Variants in ADAMTSL1 observed in about 807,000 individuals in gnomAD.
ADAMTSL1 encodes ADAMTS like 1, also known as ADAMTS-like protein 1.
ADAMTSL1 carries 126 observed loss-of-function variants against 201.8 expected under a neutral mutation model. The ratio of observed to expected loss-of-function variants is 0.62; its 90% CI spans 0.54 to 0.72. ADAMTSL1 has a LOEUF of 0.72. Ranked by LOEUF, ADAMTSL1 falls within the 30% of genes least tolerant of loss-of-function variation. The pLI is 0.00. For missense variants in ADAMTSL1, 2,679 were observed against 2,277.8 expected (o/e 1.18, Z -3.59); for synonymous variants, 1,121 against 903.4 (o/e 1.24, Z -4.32).
intron 3 of ADAMTSL1, among the ~76,000 whole-genome samples, chr9:18,566,379 C>T (rs914880358): frequency 4.6e-5 from 7 of 152,120 alleles, no homozygotes; most frequent in African/African-American, 1.2e-4. Context: ...CTGTAGTAGA[C>T]GAAGACAGAC....
chr9:18,388,570 G>A (rs569372851), intron 2 of ADAMTSL1, among the ~76,000 whole-genome samples: 141 of 151,210 alleles, frequency 9.3e-4, no homozygotes, highest in Non-Finnish European at 1.4e-3. Context: ...CACCATGTTC[G>A]GCCTGGACTT....
chr9:18,622,543 G>C (rs534375241), intron 5 of ADAMTSL1, 174 bp downstream of exon 5: 2 of 939,778 alleles, frequency 2.1e-6, no homozygotes, highest in South Asian at 3.5e-5. Flanking sequence ...GGACAAGTCA[G>C]GTTACCAGCT....
chr9:18,758,478 G>C (rs1036962639), intron 16 of ADAMTSL1, among the ~76,000 whole-genome samples: 3 of 152,122 alleles, frequency 2.0e-5, no homozygotes, highest in Non-Finnish European at 4.4e-5. Flanking sequence ...TAAATTCAGG[G>C]GAACCGCAGG....
At chr9:18,847,011 A>T (rs963800705) in intron 23 of ADAMTSL1, among the ~76,000 whole-genome samples, 2 of 152,322 alleles carry the variant, frequency 1.3e-5, no homozygotes, top group East Asian at 1.9e-4. Flanking sequence ...ATGTGTAGTT[A>T]TAAGGAGGAG....
chr9:18,062,149 T>G (rs1246714364), intron 1 of ADAMTSL1, among the ~76,000 whole-genome samples: 2 of 152,236 alleles, frequency 1.3e-5, no homozygotes, highest in East Asian at 3.8e-4. Flanking sequence ...AGTGTTTTAT[T>G]TTTATTTTCT....
chr9:18,452,051 T>C (rs6475217), intron 2 of ADAMTSL1, among the ~76,000 whole-genome samples: 6,365 of 152,258 alleles, frequency 0.042, 412 homozygotes, highest in African/African-American at 0.14. Flanking sequence ...GTAGCTGGGA[T>C]TACAGGCAAG....
chr9:18,149,498 C>T (rs549557887), intron 1 of ADAMTSL1, among the ~76,000 whole-genome samples: 1 of 152,132 alleles, frequency 6.6e-6, no homozygotes, highest in East Asian at 1.9e-4. Flanking sequence ...GTACCACTTG[C>T]TACTGCAGTG....
At chr9:17,927,388 A>ATATG (rs1588428739) in intron 1 of ADAMTSL1, among the ~76,000 whole-genome samples, 2 of 152,106 alleles carry the variant, frequency 1.3e-5, no homozygotes, top group Admixed American at 6.6e-5. Context: ...ATGCACACAT[A>ATATG]TACGTACATA....
At chr9:18,378,837 T>G (rs537545848) in intron 2 of ADAMTSL1, among the ~76,000 whole-genome samples, 81 of 152,182 alleles carry the variant, frequency 5.3e-4, no homozygotes, top group African/African-American at 1.9e-3. Flanking sequence ...GTTTGTTTGT[T>G]TTTCATTACA....
chr9:18,489,407 T>C (rs1451126371), intron 1 of ADAMTSL1, among the ~76,000 whole-genome samples: 1 of 152,180 alleles, frequency 6.6e-6, no homozygotes, highest in Non-Finnish European at 1.5e-5. Flanking sequence ...AATGTGAAGA[T>C]GATCATCCGA....
rs757257913 is a variant in ADAMTSL1 at position 18,574,087 on chromosome 9, G to A, written c.295G>A (p.Val99Ile). 3.0e-5 allele frequency: 48 copies of A among 1,613,976 alleles called. No individual in the cohort carries two copies. The highest frequency in any genetic ancestry group is 1.7e-6 in the Non-Finnish European group (2 of 1,180,020). Residue 99 changes from valine (V) to isoleucine (I), a missense_variant, in exon 4 of 29, where the codon GTC becomes ATC. Transcript: ENST00000380548. ...TCAGCAATGCTCAGCTCATAATGAT[G>A]TCAAGCACCATGGCCAGTTTTATGA... Reference protein sequence around the residue: ...RAQQCSAHNDVKHHGQFYEWL... With the variant: ...RAQQCSAHNDIKHHGQFYEWL...
At chr9:17,988,702 T>G (rs956134207) in intron 1 of ADAMTSL1, among the ~76,000 whole-genome samples, 6 of 152,038 alleles carry the variant, frequency 3.9e-5, no homozygotes, top group African/African-American at 1.4e-4. Flanking sequence ...TCTGCTGATG[T>G]CAGCATGAAT....
intron 1 of ADAMTSL1, among the ~76,000 whole-genome samples, chr9:18,015,226 C>CT (rs1346389379): frequency 2.0e-5 from 3 of 152,000 alleles, no homozygotes; most frequent in Non-Finnish European, 4.4e-5. Context: ...CTCATGCTTG[C>CT]TTCTCTCTGG....
In ADAMTSL1 at chr9:18,328,275, G is replaced by A. The variant is rs541077442; in HGVS notation, c.207+164294G>A. On this transcript the variant is annotated intron_variant, in intron 2 of 29. Coordinates refer to the ADAMTSL1 transcript ENST00000680146. ...TAATGACCCGCAGTTCTTATTATAT[G>A]TATGTTTAATGGCTGGAGCTGCCTG... 2.6e-5 allele frequency among the ~76,000 whole-genome samples: 4 copies of A among 152,276 alleles called. No individual in the cohort carries two copies. In the South Asian group the frequency reaches 8.3e-4, roughly 32 times the overall value.
At chr9:18,601,425 C>A (rs1298315131) in intron 4 of ADAMTSL1, among the ~76,000 whole-genome samples, 1 of 152,194 alleles carries the variant, frequency 6.6e-6, no homozygotes, top group East Asian at 1.9e-4. Context: ...CAAAAAATAA[C>A]TTAGCTCTAA....
chr9:18,212,279 T>C (rs1322269936), intron 2 of ADAMTSL1, among the ~76,000 whole-genome samples: 3 of 152,166 alleles, frequency 2.0e-5, no homozygotes, highest in Non-Finnish European at 4.4e-5. Context: ...AGGAGGAAGA[T>C]TGACGTGTTT....
At chr9:18,368,546 T>C (rs1298573723) in intron 2 of ADAMTSL1, among the ~76,000 whole-genome samples, 1 of 152,234 alleles carries the variant, frequency 6.6e-6, no homozygotes, top group African/African-American at 2.4e-5. Context: ...GGCAAGTGAT[T>C]TGCCCAGTGT....
intron 3 of ADAMTSL1, among the ~76,000 whole-genome samples, chr9:18,536,334 A>G (rs978937584): frequency 1.3e-5 from 2 of 152,032 alleles, no homozygotes; most frequent in Non-Finnish European, 2.9e-5. Flanking sequence ...TTCATCTCCA[A>G]AGATTCAGCC....
At chr9:18,581,319 G>C (rs550687399) in intron 4 of ADAMTSL1, among the ~76,000 whole-genome samples, 2 of 152,178 alleles carry the variant, frequency 1.3e-5, no homozygotes, top group African/African-American at 4.8e-5. Flanking sequence ...ATCTCAATTT[G>C]GTTACATCTG....
Sources: gnomAD v4.1 joint callset for allele counts (sites outside exome capture counted in the v4.1 genomes callset) on GRCh38, gnomAD v4.1.1 for gene constraint, MANE v1.5 for transcripts, NCBI Gene and HGNC (gene_info 2026-07-23, HGNC 2026-07-21) for gene names.